The following MAGI2 variants were observed in gnomAD, a reference collection of about 807,000 sequenced individuals.
The protein encoded by MAGI2 is membrane associated guanylate kinase, WW and PDZ domain containing 2.
A neutral mutation model predicts 133.3 loss-of-function variants in MAGI2; 35 were observed. The observed-to-expected ratio is 0.26, with a 90% CI of 0.20 to 0.35. The LOEUF is 0.35. Ranked by LOEUF, MAGI2 falls within the 10% of genes least tolerant of loss-of-function variation. The pLI, the probability that MAGI2 is intolerant of heterozygous loss-of-function variation, is 1.00. For missense variants in MAGI2, 1,636 were observed against 1,863.4 expected (o/e 0.88, Z 2.25); for synonymous variants, 729 against 710.6 (o/e 1.03, Z -0.41).
chr7:79,267,271 C>A (rs1834539981), intron 1 of MAGI2, among the ~76,000 whole-genome samples: 1 of 152,148 alleles, frequency 6.6e-6, no homozygotes, highest in South Asian at 2.1e-4. Context: ...CAGTGTCTGA[C>A]TTTACTGCAC....
At chr7:78,147,333 C>T (rs1823401491) in intron 16 of MAGI2, among the ~76,000 whole-genome samples, 1 of 152,140 alleles carries the variant, frequency 6.6e-6, no homozygotes, top group Admixed American at 6.5e-5. Flanking sequence ...GAGACCATCA[C>T]CACATGTGGT....
At chr7:78,469,503 T>A (rs1990580) in intron 6 of MAGI2, among the ~76,000 whole-genome samples, 68,109 of 151,966 alleles carry the variant, frequency 0.45, 16,865 homozygotes, top group East Asian at 0.67. Flanking sequence ...AAGCTATCCT[T>A]AGTCCATACT....
intron 7 of MAGI2, chr7:78,350,564 T>C (rs529035382): frequency 1.3e-5 from 2 of 152,290 alleles, no homozygotes; most frequent in East Asian, 3.9e-4. Context: ...TCTTTTTCTA[T>C]ATGTGGCCTC....
At chr7:78,756,812 T>C (rs935179852) in intron 2 of MAGI2, among the ~76,000 whole-genome samples, 2 of 152,200 alleles carry the variant, frequency 1.3e-5, no homozygotes, top group Admixed American at 1.3e-4. Context: ...GCAGTCACTT[T>C]AACGTATTCA....
Position 78,020,097 on chromosome 7 carries a change from G to GCCCCCA in MAGI2, c.3707-127_3707-122dup, listed in dbSNP as rs543412377. The GCCCCCA allele has an allele frequency of 5.2e-4, 451 of 861,188 alleles. 3 individuals are homozygous for GCCCCCA. The highest frequency in any genetic ancestry group is 3.7e-3 in the African/African-American group (203 of 54,980). The allele number at this position is 861,188 out of a possible 1,614,324, so 53.3% of individuals were successfully genotyped here. On this transcript the variant is annotated intron_variant, in intron 21 of 21. Transcript: ENST00000354212. ...GCTCTCAGGGGCCGGAGCCACCGCC[G>GCCCCCA]CCCCCACCCCCACCCCCACCCTCAC...
At chr7:79,171,772 T>TATATA (rs1215314753) in intron 1 of MAGI2, among the ~76,000 whole-genome samples, 325 of 21,628 alleles carry the variant, frequency 0.015, 2 homozygotes, top group Non-Finnish European at 0.023. Flanking sequence ...ATATATATAT[T>TATATA]TTTTTTTTTT....
At position 79,391,546 on chromosome 7, in the gene MAGI2, TATATATATATATATATAC is replaced by T. The variant is rs1563180721; in HGVS notation, c.301+61456_301+61473del. 1.0e-3 allele frequency among the ~76,000 whole-genome samples: 69 copies of T among 67,334 alleles called. 2 individuals are homozygous for T. The highest frequency in any genetic ancestry group is 8.0e-3 in the African/African-American group (68 of 8,490). 44.2% of individuals were successfully genotyped at this position (67,334 alleles called of 152,430 possible). On this transcript the variant is annotated intron_variant, in intron 1 of 21. Transcript: ENST00000354212. The stretch of plus-strand genomic sequence containing the variant: ...ATATATATATATATATAGACATATA[TATATATATATATATATAC>T]ACACTTTACTGTAAGTTCCAGGCTA...
chr7:79,316,413 G>A (rs375769681), intron 1 of MAGI2, among the ~76,000 whole-genome samples: 38 of 151,814 alleles, frequency 2.5e-4, no homozygotes, highest in Admixed American at 4.6e-4. Flanking sequence ...GTTTCATGTC[G>A]CCCACTGAAA....
At chr7:78,895,763 CA>C (rs1168291119) in intron 2 of MAGI2, among the ~76,000 whole-genome samples, 3 of 152,176 alleles carry the variant, frequency 2.0e-5, no homozygotes, top group African/African-American at 7.2e-5. Flanking sequence ...CACTTGGTTT[CA>C]TTAGCAGAAA....
intron 3 of MAGI2, among the ~76,000 whole-genome samples, chr7:78,561,825 A>G (rs1052456315): frequency 3.3e-5 from 5 of 152,196 alleles, no homozygotes; most frequent in African/African-American, 1.2e-4. Flanking sequence ...CTAAAGTAAG[A>G]ATGAAGTAGC....
intron 1 of MAGI2, among the ~76,000 whole-genome samples, chr7:79,028,220 T>A (rs1248483083): frequency 1.8e-4 from 12 of 66,892 alleles, no homozygotes; most frequent in African/African-American, 6.0e-4. Flanking sequence ...CAAAAAAATA[T>A]ATATATATAT....
intron 1 of MAGI2, among the ~76,000 whole-genome samples, chr7:79,236,846 G>A (rs1050850420): frequency 4.6e-5 from 7 of 152,106 alleles, no homozygotes; most frequent in African/African-American, 1.7e-4. Context: ...AAATAGACAA[G>A]CCTGGGCAAG....
At chr7:78,585,626 G>T (rs1197042940) in intron 3 of MAGI2, among the ~76,000 whole-genome samples, 2 of 152,154 alleles carry the variant, frequency 1.3e-5, no homozygotes, top group Admixed American at 6.5e-5. Flanking sequence ...TGCCATGGCA[G>T]CTGGAAGACA....
intron 1 of MAGI2, among the ~76,000 whole-genome samples, chr7:79,281,467 A>G (rs1192572394): frequency 6.6e-6 from 1 of 152,150 alleles, no homozygotes; most frequent in Non-Finnish European, 1.5e-5. Flanking sequence ...TGTTTTTCAT[A>G]CAGTCTGCTT....
chr7:79,241,308 A>G (rs548672474), intron 1 of MAGI2, among the ~76,000 whole-genome samples: 1 of 152,342 alleles, frequency 6.6e-6, no homozygotes, highest in African/African-American at 2.4e-5. Context: ...ACTAAAAGTC[A>G]TATTAAATAT....
intron 1 of MAGI2, among the ~76,000 whole-genome samples, chr7:79,446,282 G>A (rs1015386522): frequency 4.6e-5 from 7 of 152,072 alleles, no homozygotes; most frequent in South Asian, 2.1e-4. Flanking sequence ...TAACCTGCAC[G>A]TTGAGCACGT....
intron 2 of MAGI2, among the ~76,000 whole-genome samples, chr7:78,831,897 A>C (rs545700997): frequency 1.1e-3 from 164 of 152,284 alleles, no homozygotes; most frequent in African/African-American, 3.7e-3. Flanking sequence ...TGTGAAATTT[A>C]TTTATACTGG....
intron 1 of MAGI2, among the ~76,000 whole-genome samples, chr7:79,391,403 C>T (rs1053463278): frequency 6.7e-6 from 1 of 150,150 alleles, no homozygotes; most frequent in East Asian, 2.0e-4. Context: ...ATTCTTATTA[C>T]GGACAACTTA....
intron 1 of MAGI2, among the ~76,000 whole-genome samples, chr7:79,086,550 GTTGATT>G (rs1269128757): frequency 6.6e-6 from 1 of 151,758 alleles, no homozygotes; most frequent in Admixed American, 6.6e-5. Context: ...TTCTGAAAAA[GTTGATT>G]TTGACATTTT....
Sources: allele counts gnomAD v4.1 joint callset (sites outside exome capture counted in the v4.1 genomes callset), GRCh38; gene constraint gnomAD v4.1.1; transcripts MANE v1.5; gene names NCBI Gene and HGNC (gene_info 2026-07-23, HGNC 2026-07-21).